The following GGA2 variants were observed in gnomAD, a reference collection of about 807,000 sequenced individuals.
The protein encoded by GGA2 is golgi associated, gamma adaptin ear containing, ARF binding protein 2.
GGA2 carries 48 observed loss-of-function variants against 79.5 expected under a neutral mutation model. The observed-to-expected ratio is 0.60, with a 90% confidence interval of 0.48 to 0.77. The LOEUF (loss-of-function observed/expected upper bound fraction) is 0.77, where lower values mean the gene tolerates loss of function less well. Ranked by LOEUF, GGA2 falls within the 30% of genes least tolerant of loss-of-function variation. The pLI, the probability that GGA2 is intolerant of heterozygous loss-of-function variation, is 0.00. For missense variants in GGA2, 770 were observed against 774.0 expected, an observed-to-expected ratio of 0.99 and a Z score of 0.06; for synonymous variants, 317 against 302.0, an observed-to-expected ratio of 1.05 and a Z score of -0.51.
At chr16:23,472,421 C>G (rs533241804) in intron 14 of GGA2, among the ~76,000 whole-genome samples, 3 of 151,652 alleles carry the variant, frequency 2.0e-5, no homozygotes, top group Non-Finnish European at 4.4e-5. Context: ...TGGTCTCAAA[C>G]TCCTGACCTC....
At chr16:23,473,151 A>C (rs568217140) in intron 14 of GGA2, among the ~76,000 whole-genome samples, 2 of 152,030 alleles carry the variant, frequency 1.3e-5, no homozygotes, top group South Asian at 4.1e-4. Flanking sequence ...TAAAAATGGT[A>C]TAGGCTTATA....
chr16:23,478,526 T>G, intron 12 of GGA2, 25 bp from the exon 13 acceptor site: 3 of 1,601,404 alleles, frequency 1.9e-6, no homozygotes, highest in Non-Finnish European at 2.6e-6. Context: ...ATGGCTAAAA[T>G]AAGACCAGGG....
At position 23,473,348 on chromosome 16, in the gene GGA2, T is replaced by C. The variant is rs866146368; in HGVS notation, c.1450+1556A>G. Among the ~76,000 whole-genome samples the C allele has an allele frequency of 6.4e-3, 896 of 138,992 alleles. 9 individuals are homozygous for C. Among genetic ancestry groups the C allele is most frequent in the African/African-American group, 0.023 (857 of 37,988 alleles). The allele number at this position is 138,992 out of a possible 152,430, so 91.2% of individuals were successfully genotyped here. On this transcript the variant is annotated intron_variant, in intron 14 of 16. Transcript: ENST00000309859. ...TTCTAGTCTTTTTTTTTTTTTTTTT[T>C]TTTTTTTTAGACAGAGTCTTCTCTG...
At position 23,486,078 on chromosome 16, in the gene GGA2, C is replaced by T; in HGVS notation, c.735G>A (p.Leu245=). The T allele has an allele frequency of 1.2e-6, 2 of 1,614,104 alleles. No homozygotes were observed. The change falls in exon 8 of 17, where the codon CTG becomes CTA. Residue 245 remains leucine, a synonymous_variant. Coordinates refer to ENST00000309859, the MANE Select transcript of GGA2 (RefSeq NM_015044.4). ...TGCGGTACATGCTCAGCATCTCCTG[C>T]AGCACCTTCACATGGCTTCGCACTT... is the stretch of plus-strand genomic sequence containing the variant. ...VEEVRSHVKV[L]QEMLSMYRRP... is the part of the protein sequence containing the mutation.
intron 15 of GGA2, 137 bp downstream of exon 15, chr16:23,469,859 G>A (rs900014741): frequency 5.1e-6 from 3 of 585,012 alleles, no homozygotes; most frequent in Non-Finnish European, 5.7e-6. Context: ...AGTCAGGTAA[G>A]CCATTACATT....
At chr16:23,480,561 A>G (rs1376089802) in intron 10 of GGA2, 84 bp downstream of exon 10, 1 of 1,200,934 alleles carries the variant, frequency 8.3e-7, no homozygotes, top group Non-Finnish European at 1.2e-6. Context: ...TCCTTAACCC[A>G]GAATATGTTT....
At chr16:23,491,925 G>C in intron 4 of GGA2, 125 bp from the exon 5 acceptor site, 1 of 602,562 alleles carries the variant, frequency 1.7e-6, no homozygotes. Context: ...AGTGTGAGGA[G>C]AGACTAGAGG....
At chr16:23,489,719 A>G (rs1964759109) in intron 5 of GGA2, among the ~76,000 whole-genome samples, 1 of 152,176 alleles carries the variant, frequency 6.6e-6, no homozygotes, top group African/African-American at 2.4e-5. Flanking sequence ...AGAATACAGA[A>G]TTTCTGGAGG....
chr16:23,494,929 C>A (rs1484738734), intron 2 of GGA2, among the ~76,000 whole-genome samples: 1 of 151,780 alleles, frequency 6.6e-6, no homozygotes, highest in Non-Finnish European at 1.5e-5. Context: ...TAAAAAAATA[C>A]AAAAAATTAG....
intron 9 of GGA2, among the ~76,000 whole-genome samples, chr16:23,482,026 G>A (rs1283617702): frequency 1.3e-5 from 2 of 152,134 alleles, no homozygotes; most frequent in African/African-American, 4.8e-5. Flanking sequence ...CAGCACTTTG[G>A]GAAGCCGAGG....
intron 1 of GGA2, among the ~76,000 whole-genome samples, chr16:23,509,445 C>A (rs1965010606): frequency 6.6e-6 from 1 of 152,154 alleles, no homozygotes; most frequent in African/African-American, 2.4e-5. Flanking sequence ...CTCCTCCTCG[C>A]CAATCCCGTT....
intron 2 of GGA2, among the ~76,000 whole-genome samples, chr16:23,518,839 G>A (rs1597001785): frequency 6.6e-6 from 1 of 152,130 alleles, no homozygotes; most frequent in East Asian, 1.9e-4. Flanking sequence ...ATCTGGCAAC[G>A]TGCCAGGTGC....
At chr16:23,489,855 C>T (rs1334059637) in intron 5 of GGA2, among the ~76,000 whole-genome samples, 1 of 152,012 alleles carries the variant, frequency 6.6e-6, no homozygotes, top group Non-Finnish European at 1.5e-5. Context: ...GAACCCACTG[C>T]AGCTAGAGAA....
At chr16:23,514,746 G>A (rs746174874), upstream of GGA2, among the ~76,000 whole-genome samples, 6 of 152,162 alleles carry the variant, frequency 3.9e-5, 1 homozygote, top group South Asian at 4.1e-4. Context: ...GTCTTAACCC[G>A]TCTTTTTGTT....
At position 23,486,405 on chromosome 16, in the gene GGA2, G is replaced by A. The variant is rs964325442; in HGVS notation, c.661-253C>T. ...CCACCAGCCTCAAGTCCTCTGAAAA[G>A]CAGATTCCTAAACCTGGACTTTGTC... is the stretch of plus-strand genomic sequence containing the variant. On this transcript the variant is annotated intron_variant, in intron 7 of 16. Coordinates refer to ENST00000309859, the MANE Select transcript of GGA2 (RefSeq NM_015044.4). Among the ~76,000 whole-genome samples, 67 of 152,218 alleles carry A rather than the reference G, an allele frequency of 4.4e-4. 1 individual carries two copies. Among genetic ancestry groups the A allele is most frequent in the East Asian group, 1.9e-4 (1 of 5,194 alleles).
upstream of GGA2, chr16:23,523,627 T>G (rs1430535360): frequency 6.6e-6 from 1 of 152,296 alleles, no homozygotes; most frequent in Non-Finnish European, 1.5e-5. Flanking sequence ...GCCTGAGAAC[T>G]GGGACCCATG....
intron 1 of GGA2, among the ~76,000 whole-genome samples, chr16:23,500,580 G>A (rs759203908): frequency 1.3e-5 from 2 of 152,250 alleles, no homozygotes; most frequent in African/African-American, 2.4e-5. Flanking sequence ...ATGAGGCAGC[G>A]TCAAGCAAAG....
At chr16:23,485,351 A>C (rs1964698524) in intron 8 of GGA2, among the ~76,000 whole-genome samples, 1 of 152,218 alleles carries the variant, frequency 6.6e-6, no homozygotes, top group Non-Finnish European at 1.5e-5. Flanking sequence ...TAATTATCTC[A>C]TAAAGATGCT....
Position 23,474,885 on chromosome 16 carries a change from G to GC in GGA2, c.1450+18_1450+19insG, listed in dbSNP as rs1176877051. The GC allele has an allele frequency of 6.4e-7, 1 of 1,570,856 alleles. No individual in the cohort carries two copies. The highest frequency in any genetic ancestry group is 1.7e-5 in the Admixed American group (1 of 59,800). On this transcript the variant is annotated intron_variant, in intron 14 of 16. Coordinates refer to ENST00000309859, the MANE Select transcript of GGA2 (RefSeq NM_015044.4). ...CCCAGGGAAAAAAAAAAAAAGGTGG[G>GC]GAGTGAAATTGTACTTACTGGGCTT...
Sources: gnomAD v4.1 joint callset for allele counts (sites outside exome capture counted in the v4.1 genomes callset) on GRCh38, gnomAD v4.1.1 for gene constraint, MANE v1.5 for transcripts, NCBI Gene and HGNC (gene_info 2026-07-23, HGNC 2026-07-21) for gene names.